IL34: variants seen among roughly 807,000 people sequenced by gnomAD.
IL34 encodes the protein interleukin 34, also known as interleukin-34.
IL34 carries 17 observed loss-of-function variants against 25.3 expected under a neutral mutation model. The ratio of observed to expected loss-of-function variants is 0.67; its 90% CI spans 0.46 to 1.01. The LOEUF is 1.01. IL34 is among the 50% of genes least tolerant of loss of function. The pLI is 0.00. For missense variants in IL34, 368 were observed against 312.9 expected, an observed-to-expected ratio of 1.18 and a Z score of -1.33; for synonymous variants, 174 against 140.9, an observed-to-expected ratio of 1.23 and a Z score of -1.66.
At chr16:70,628,164 G>A (rs1023189436) in intron 1 of IL34, among the ~76,000 whole-genome samples, 8 of 152,014 alleles carry the variant, frequency 5.3e-5, no homozygotes, top group African/African-American at 1.9e-4. Context: ...AATTAATTGT[G>A]GTCGAGCACC....
At chr16:70,614,625 GTT>G in intron 1 of IL34, among the ~76,000 whole-genome samples, 1 of 152,218 alleles carries the variant, frequency 6.6e-6, no homozygotes. Context: ...ATTTCATGAT[GTT>G]GTTTGTCCTT....
At chr16:70,657,940 C>T (rs1217483260) in intron 4 of IL34, among the ~76,000 whole-genome samples, 1 of 152,184 alleles carries the variant, frequency 6.6e-6, no homozygotes, top group African/African-American at 2.4e-5. Context: ...CCCTGACCCG[C>T]TCAGAGAAAT....
chr16:70,592,214 G>A (rs1003677028), intron 1 of IL34, among the ~76,000 whole-genome samples: 2 of 152,108 alleles, frequency 1.3e-5, no homozygotes, highest in African/African-American at 4.8e-5. Context: ...TGGCCCGGCT[G>A]AGGCTGGGCT....
At chr16:70,644,789 GGAGGAGGGAGGAGGAAT>G (rs1341610536), upstream of IL34, among the ~76,000 whole-genome samples, 221 of 142,158 alleles carry the variant, frequency 1.6e-3, 9 homozygotes, top group African/African-American at 5.4e-3. Context: ...GGGAGGAAAA[GGAGGAGGGAGGAGGAAT>G]GAAAAGGAGG....
chr16:70,597,988 G>T (rs528406517), intron 1 of IL34, among the ~76,000 whole-genome samples: 1 of 152,270 alleles, frequency 6.6e-6, no homozygotes, highest in South Asian at 2.1e-4. Flanking sequence ...GGGACTACAG[G>T]TGCCCGCCAC....
chr16:70,646,165 C>T (rs1340393709), upstream of IL34, among the ~76,000 whole-genome samples: 2 of 152,110 alleles, frequency 1.3e-5, no homozygotes, highest in East Asian at 1.9e-4. Flanking sequence ...CCACCTTGGC[C>T]TCCCAAAGTG....
intron 1 of IL34, among the ~76,000 whole-genome samples, chr16:70,581,554 T>A (rs1399265774): frequency 6.6e-6 from 1 of 152,132 alleles, no homozygotes; most frequent in Non-Finnish European, 1.5e-5. Flanking sequence ...TCATGAGAAT[T>A]ACGGGACTAA....
intron 1 of IL34, among the ~76,000 whole-genome samples, chr16:70,591,989 C>T (rs1011137361): frequency 3.9e-5 from 6 of 151,906 alleles, no homozygotes; most frequent in African/African-American, 1.2e-4. Context: ...CCTGGTAGTA[C>T]TAGGTAGTGA....
intron 1 of IL34, among the ~76,000 whole-genome samples, chr16:70,602,891 C>T (rs549993568): frequency 6.6e-6 from 1 of 151,936 alleles, no homozygotes; most frequent in East Asian, 1.9e-4. Flanking sequence ...TCTATTCCAG[C>T]GGAGGTAGCC....
chr16:70,658,215 C>T (rs1325969742), intron 4 of IL34, among the ~76,000 whole-genome samples: 1 of 152,244 alleles, frequency 6.6e-6, no homozygotes, highest in Non-Finnish European at 1.5e-5. Flanking sequence ...GGACTAGCAC[C>T]TGTTTTGCAG....
At chr16:70,580,390 C>T (rs562181425) in intron 1 of IL34, among the ~76,000 whole-genome samples, 1 of 152,374 alleles carries the variant, frequency 6.6e-6, no homozygotes, top group Non-Finnish European at 1.5e-5. Flanking sequence ...TTGGCATGGG[C>T]CGTGGGGCGC....
At chr16:70,628,391 A>G (rs751250081) in intron 1 of IL34, among the ~76,000 whole-genome samples, 8 of 151,830 alleles carry the variant, frequency 5.3e-5, no homozygotes, top group Non-Finnish European at 8.8e-5. Flanking sequence ...TTTCTTGATA[A>G]GTTTATTTCT....
At chr16:70,604,100 A>T (rs2050961101) in intron 1 of IL34, among the ~76,000 whole-genome samples, 1 of 152,232 alleles carries the variant, frequency 6.6e-6, no homozygotes, top group Non-Finnish European at 1.5e-5. Flanking sequence ...ATGATTGATT[A>T]TTTAATTACA....
chr16:70,626,374 C>A (rs535119105), intron 1 of IL34, among the ~76,000 whole-genome samples: 39 of 151,978 alleles, frequency 2.6e-4, no homozygotes, highest in Admixed American at 1.2e-3. Context: ...TAAGAAAACA[C>A]GATGTGTGTG....
intron 1 of IL34, among the ~76,000 whole-genome samples, chr16:70,627,670 A>G (rs1305090311): frequency 2.0e-5 from 3 of 151,970 alleles, no homozygotes; most frequent in South Asian, 2.1e-4. Flanking sequence ...GGATCTCACT[A>G]TGTTGTCCAA....
chr16:70,634,598 T>C (rs1225940345), intron 1 of IL34, among the ~76,000 whole-genome samples: 2 of 151,678 alleles, frequency 1.3e-5, no homozygotes, highest in Non-Finnish European at 2.9e-5. Flanking sequence ...GAGAATTCCT[T>C]GAACCCAGGA....
rs762638551 is a variant in IL34, at chr16:70,646,974, C to T, written c.27C>T (p.Arg9=). Residue 9 remains arginine, a splice_region_variant and synonymous_variant, in exon 1 of 6, where the codon CGC becomes CGT. Coordinates refer to ENST00000288098, the MANE Select transcript of IL34 (RefSeq NM_001393494.1). MPRGFTWL[R]YLGIFLGVAL... ...TGCCCCGGGGCTTCACCTGGCTGCG[C>T]TGTGAGTACTGGGGGGTCCCTAGGG... 2.7e-6 allele frequency: 4 copies of T among 1,461,762 alleles called. No individual in the cohort carries two copies. Among genetic ancestry groups the T allele is most frequent in the Non-Finnish European group, 3.6e-6 (4 of 1,114,764 alleles). The allele number at this position is 1,461,762 out of a possible 1,614,324, so 90.5% of individuals were successfully genotyped here.
upstream of IL34, among the ~76,000 whole-genome samples, chr16:70,646,132 A>T (rs142594180): frequency 3.3e-5 from 5 of 151,436 alleles, no homozygotes; most frequent in Non-Finnish European, 5.9e-5. Context: ...CTGGTCTCGA[A>T]CTCCTGGGCT....
At chr16:70,589,734 T>A (rs1464717864) in intron 1 of IL34, among the ~76,000 whole-genome samples, 1 of 151,974 alleles carries the variant, frequency 6.6e-6, no homozygotes, top group East Asian at 1.9e-4. Context: ...GTGATTCTCT[T>A]GCCTCAGCCT....
Sources: gnomAD v4.1 joint callset for allele counts (sites outside exome capture counted in the v4.1 genomes callset) on GRCh38, gnomAD v4.1.1 for gene constraint, MANE v1.5 for transcripts, NCBI Gene and HGNC (gene_info 2026-07-23, HGNC 2026-07-21) for gene names.